EML4: variants seen among roughly 807,000 people sequenced by gnomAD.
EML4 encodes echinoderm microtubule-associated protein-like 4.
In EML4, 72 loss-of-function variants were observed where a neutral mutation model predicts 129.0. That is an observed-to-expected ratio of 0.56 (90% CI 0.46 to 0.68). EML4 has a LOEUF of 0.68. EML4 is among the 30% of genes least tolerant of loss of function. The pLI is 0.00. For synonymous variants in EML4, 532 were observed against 405.0 expected, an observed-to-expected ratio of 1.31 and a Z score of -3.77; for missense variants, 1,363 against 1,190.6, an observed-to-expected ratio of 1.14 and a Z score of -2.13.
chr2:42,248,514 C>T (rs958848446), intron 2 of EML4, among the ~76,000 whole-genome samples: 3 of 152,020 alleles, frequency 2.0e-5, no homozygotes, highest in Admixed American at 2.0e-4. Flanking sequence ...TGTAAGTTGT[C>T]CTTTCTGGTC....
Position 42,245,096 on chromosome 2 carries a change from T to TTTTTTC in EML4, c.26-404_26-403insCTTTTT, listed in dbSNP as rs2104298234. Among the ~76,000 whole-genome samples, 2 of 100,378 alleles carry TTTTTTC rather than the reference T, an allele frequency of 2.0e-5. 1 individual carries two copies. The highest frequency in any genetic ancestry group is 4.1e-5 in the Non-Finnish European group (2 of 48,244). 65.9% of individuals were successfully genotyped at this position (100,378 alleles called of 152,430 possible). ...TTTTTTGTTTTGAAATTTTCTTTCT[T>TTTTTTC]TTTTTTTTTTTTTTTTGAGACAGAC... On this transcript the variant is annotated intron_variant, in intron 1 of 22. Coordinates refer to ENST00000318522, the MANE Select transcript of EML4 (RefSeq NM_019063.5).
intron 7 of EML4, among the ~76,000 whole-genome samples, chr2:42,282,181 T>C (rs1213232541): frequency 1.5e-5 from 1 of 68,274 alleles, no homozygotes; most frequent in Non-Finnish European, 3.3e-5. Flanking sequence ...TATTTGGTGA[T>C]TTTTTTTTTT....
At chr2:42,310,942 G>T (rs1166410241) in intron 17 of EML4, among the ~76,000 whole-genome samples, 1 of 152,180 alleles carries the variant, frequency 6.6e-6, no homozygotes. Flanking sequence ...TATGGAAGTT[G>T]TATATCTTTA....
chr2:42,257,348 T>C (rs1676219165), intron 3 of EML4, among the ~76,000 whole-genome samples: 1 of 152,184 alleles, frequency 6.6e-6, no homozygotes, highest in Non-Finnish European at 1.5e-5. Context: ...TTAAAACCGT[T>C]TTCTTCAAAG....
rs529209058 is a variant in EML4, at chr2:42,282,670, C to T, written c.792-153C>T. On this transcript the variant is annotated intron_variant, in intron 7 of 22. Coordinates refer to ENST00000318522, the MANE Select transcript of EML4 (RefSeq NM_019063.5). ...GGCCTCCTGAAGGGCTAGGATTACA[C>T]GTGTGAGCACTCTGCCCGTCCAGGA... 1.2e-4 allele frequency among the ~76,000 whole-genome samples: 18 copies of T among 152,254 alleles called. No individual in the cohort carries two copies. In the East Asian group the frequency reaches 2.5e-3, roughly 21 times the overall value.
intron 1 of EML4, among the ~76,000 whole-genome samples, chr2:42,222,782 C>G (rs912929903): frequency 7.2e-6 from 1 of 139,792 alleles, no homozygotes; most frequent in Admixed American, 7.0e-5. Context: ...TATAACGGTT[C>G]TTTTGTTTGT....
intron 1 of EML4, among the ~76,000 whole-genome samples, chr2:42,238,254 C>A (rs546370420): frequency 2.1e-4 from 32 of 152,258 alleles, no homozygotes; most frequent in African/African-American, 7.2e-4. Context: ...ATAAGGGATA[C>A]TCAACCTGTA....
intron 7 of EML4, among the ~76,000 whole-genome samples, chr2:42,281,291 G>T (rs893412740): frequency 8.6e-5 from 13 of 151,848 alleles, no homozygotes; most frequent in African/African-American, 3.1e-4. Flanking sequence ...TACTCGGGAG[G>T]CTGAGGCAGG....
chr2:42,209,654 A>G (rs2104012944), intron 1 of EML4, among the ~76,000 whole-genome samples: 1 of 152,310 alleles, frequency 6.6e-6, no homozygotes, highest in East Asian at 1.9e-4. Context: ...GATTGGCCAG[A>G]CACGGTGGCT....
chr2:42,237,254 T>C (rs74579305), intron 1 of EML4, among the ~76,000 whole-genome samples: 2 of 152,160 alleles, frequency 1.3e-5, no homozygotes, highest in Admixed American at 6.5e-5. Flanking sequence ...ATTTTTATCA[T>C]TTATTATGTG....
At chr2:42,179,829 T>A (rs990254108) in intron 1 of EML4, among the ~76,000 whole-genome samples, 1 of 152,170 alleles carries the variant, frequency 6.6e-6, no homozygotes, top group Non-Finnish European at 1.5e-5. Flanking sequence ...CTGGAACTCT[T>A]GACCCCAAGT....
In EML4 at chr2:42,295,520, C is replaced by A; in HGVS notation, c.1489+4C>A. 2 of 1,608,984 alleles carry A rather than the reference C, an allele frequency of 1.2e-6. No individual in the cohort carries two copies. The highest frequency in any genetic ancestry group is 1.7e-6 in the Non-Finnish European group (2 of 1,178,504). On this transcript the variant is annotated splice_donor_region_variant and intron_variant, in intron 13 of 22. Transcript: ENST00000318522. ...ACACCTGGGAAAGGACCTAAAGGTA[C>A]AGTATTCTTATATTAAACTCATTTC...
chr2:42,237,739 GTTA>G (rs1674764842), intron 1 of EML4, among the ~76,000 whole-genome samples: 1 of 152,128 alleles, frequency 6.6e-6, no homozygotes, highest in African/African-American at 2.4e-5. Flanking sequence ...TAAAGAAAAT[GTTA>G]TTAAGAAAGT....
At chr2:42,304,843 C>G (rs543551893) in intron 17 of EML4, among the ~76,000 whole-genome samples, 3 of 152,234 alleles carry the variant, frequency 2.0e-5, no homozygotes, top group East Asian at 1.9e-4. Flanking sequence ...AAAATAAGCC[C>G]TGACGCAGCC....
At chr2:42,178,529 C>T (rs1329665446) in intron 1 of EML4, among the ~76,000 whole-genome samples, 2 of 151,996 alleles carry the variant, frequency 1.3e-5, no homozygotes, top group Non-Finnish European at 2.9e-5. Flanking sequence ...GGCAGCAGAG[C>T]GAGCAGCGAG....
chr2:42,230,291 A>G (rs2104189480), intron 1 of EML4, among the ~76,000 whole-genome samples: 1 of 152,372 alleles, frequency 6.6e-6, no homozygotes, highest in Admixed American at 6.5e-5. Context: ...CAATCTAGTT[A>G]GGAATTTTAA....
chr2:42,291,427 G>C (rs1345645451), intron 11 of EML4, among the ~76,000 whole-genome samples: 4 of 122,838 alleles, frequency 3.3e-5, no homozygotes, highest in Non-Finnish European at 6.4e-5. Flanking sequence ...TTTTGAGACA[G>C]TCTCATTCTG....
At position 42,288,227 on chromosome 2, in the gene EML4, G is replaced by A; in HGVS notation, c.1123G>A (p.Asp375Asn). 2 of 1,354,942 alleles carry A rather than the reference G, an allele frequency of 1.5e-6. No homozygotes were observed. The highest frequency in any genetic ancestry group is 1.8e-4 in the Middle Eastern group (1 of 5,470). The allele number at this position is 1,354,942 out of a possible 1,614,324, so 83.9% of individuals were successfully genotyped here. Residue 375 changes from aspartate to asparagine, a missense_variant and splice_region_variant, in exon 11 of 23, where the codon GAT (aspartate) becomes AAT (asparagine). By Grantham distance (23) the Asp-to-Asn change is conservative. Coordinates refer to ENST00000318522, the MANE Select transcript of EML4 (RefSeq NM_019063.5). The part of the protein sequence containing the change: ...GVGCLDFSKA[D>N]SGVHLCIIDD... ...ATGCCTCTGATTGACTTTTCTTTAG[G>A]ATTCAGGTGTTCATTTATGTATTAT...
At chr2:42,205,689 T>C (rs1167850065) in intron 1 of EML4, among the ~76,000 whole-genome samples, 1 of 152,204 alleles carries the variant, frequency 6.6e-6, no homozygotes, top group Non-Finnish European at 1.5e-5. Context: ...TAGACAGAAA[T>C]GGATAAATTG....
Sources: allele counts gnomAD v4.1 joint callset (sites outside exome capture counted in the v4.1 genomes callset), GRCh38; gene constraint gnomAD v4.1.1; transcripts MANE v1.5; gene names NCBI Gene and HGNC (gene_info 2026-07-23, HGNC 2026-07-21).